Variants in DOCK4 observed in about 807,000 individuals in gnomAD.
DOCK4 encodes the protein dedicator of cytokinesis 4.
Under a neutral mutation model 268.1 loss-of-function variants are expected in DOCK4, and 97 were observed. The ratio of observed to expected loss-of-function variants is 0.36; its 90% CI spans 0.31 to 0.43. DOCK4 has a LOEUF of 0.43. Ranked by LOEUF, DOCK4 falls within the 20% of genes least tolerant of loss-of-function variation. DOCK4 has a pLI of 1.00. For missense variants in DOCK4, 2,145 were observed against 2,455.7 expected, an observed-to-expected ratio of 0.87 and a Z score of 2.67; for synonymous variants, 954 against 887.2, an observed-to-expected ratio of 1.08 and a Z score of -1.34.
chr7:112,048,191 A>T (rs1804993520), intron 1 of DOCK4, among the ~76,000 whole-genome samples: 1 of 152,084 alleles, frequency 6.6e-6, no homozygotes, highest in South Asian at 2.1e-4. Flanking sequence ...CATAAGAAAC[A>T]TGAAGAAAAC....
chr7:111,851,321 G>A (rs1405319167), intron 23 of DOCK4, among the ~76,000 whole-genome samples: 3 of 151,810 alleles, frequency 2.0e-5, no homozygotes, highest in Admixed American at 6.6e-5. Flanking sequence ...GCACGCGCCT[G>A]TAAGTCCCAG....
intron 1 of DOCK4, among the ~76,000 whole-genome samples, chr7:112,179,312 G>A (rs1818817851): frequency 6.6e-6 from 1 of 152,014 alleles, no homozygotes; most frequent in African/African-American, 2.4e-5. Context: ...CTTGTGCCTG[G>A]GATGTCGAGG....
At chr7:111,810,100 G>A (rs759715121) in intron 28 of DOCK4, among the ~76,000 whole-genome samples, 18 of 151,846 alleles carry the variant, frequency 1.2e-4, no homozygotes, top group African/African-American at 4.1e-4. Flanking sequence ...TCTGTTATAC[G>A]TAAATAGCTC....
rs1798881353 is a variant in DOCK4 at position 111,782,943 on chromosome 7, A to G, written c.3525-19T>C. On this transcript the variant is annotated intron_variant, in intron 34 of 52. Transcript: ENST00000428084. ...GCAGTCCCTAAAAACAAAAAGCAAT[A>G]GTCAGAACTCAGAACTTCCTTCCTA... 1.9e-6 allele frequency: 3 copies of G among 1,610,122 alleles called. No individual in the cohort carries two copies. Among genetic ancestry groups the G allele is most frequent in the Non-Finnish European group, 2.5e-6 (3 of 1,177,968 alleles).
At chr7:112,112,027 T>C (rs1811701632) in intron 1 of DOCK4, among the ~76,000 whole-genome samples, 1 of 152,134 alleles carries the variant, frequency 6.6e-6, no homozygotes, top group Non-Finnish European at 1.5e-5. Flanking sequence ...CAAATCTTTG[T>C]TTTTAGTTTC....
intron 11 of DOCK4, 64 bp downstream of exon 11, chr7:111,940,046 C>T (rs1023994877): frequency 2.6e-6 from 4 of 1,563,872 alleles, no homozygotes; most frequent in Non-Finnish European, 3.5e-6. Context: ...GTAGCATTCG[C>T]CCAAGTAGGA....
chr7:111,751,937 T>A, intron 42 of DOCK4, among the ~76,000 whole-genome samples: 1 of 151,958 alleles, frequency 6.6e-6, no homozygotes. Flanking sequence ...TTTTTAAATT[T>A]TCTGTTTAGA....
intron 1 of DOCK4, among the ~76,000 whole-genome samples, chr7:112,175,968 A>C (rs1299451317): frequency 6.6e-6 from 1 of 152,236 alleles, no homozygotes; most frequent in Non-Finnish European, 1.5e-5. Context: ...ATTATTTTTA[A>C]TGATCAACTG....
chr7:111,901,762 C>G lies in DOCK4; in HGVS notation c.1232G>C (p.Gly411Ala). The G allele has an allele frequency of 1.2e-6, 2 of 1,603,186 alleles. No homozygotes were observed. Among genetic ancestry groups the G allele is most frequent in the Non-Finnish European group, 1.7e-6 (2 of 1,170,934 alleles). The change falls in exon 14 of 53, where the codon GGA becomes GCA. Residue 411 changes from glycine (G) to alanine (A), a missense_variant. Physicochemically the swap from Gly to Ala is moderately conservative, Grantham distance 60 (BLOSUM62 0). Coordinates refer to ENST00000428084, the MANE Select transcript of DOCK4 (RefSeq NM_001363540.2). ...GCTCTTCCCTCCTTTCTCAAATTCT[C>G]CCCTTTCAATAGTGATATATAAATC... ...RNDLYITIERGEFEKGGKSVA... is the reference protein window; with the variant it reads ...RNDLYITIERAEFEKGGKSVA...
chr7:111,780,829 A>G (rs1280849741), intron 35 of DOCK4, among the ~76,000 whole-genome samples: 1 of 152,240 alleles, frequency 6.6e-6, no homozygotes, highest in East Asian at 1.9e-4. Context: ...GAGGCTAAAA[A>G]GATTAGCTTC....
chr7:112,158,423 C>A (rs937783893), intron 1 of DOCK4, among the ~76,000 whole-genome samples: 4 of 152,138 alleles, frequency 2.6e-5, no homozygotes, highest in Non-Finnish European at 5.9e-5. Context: ...AAAAGTTATA[C>A]CTTTCTTTGG....
At chr7:111,854,558 C>T (rs1483675334) in intron 23 of DOCK4, among the ~76,000 whole-genome samples, 1 of 152,026 alleles carries the variant, frequency 6.6e-6, no homozygotes, top group Non-Finnish European at 1.5e-5. Flanking sequence ...CATCTTGCTA[C>T]ATTAGTAGAG....
chr7:112,159,387 T>TCACC (rs1203041598), intron 1 of DOCK4, among the ~76,000 whole-genome samples: 1 of 152,096 alleles, frequency 6.6e-6, no homozygotes, highest in Admixed American at 6.6e-5. Flanking sequence ...ACCACCTTTA[T>TCACC]CACCACCACT....
chr7:112,127,804 G>T (rs1280006744), intron 1 of DOCK4, among the ~76,000 whole-genome samples: 1 of 152,198 alleles, frequency 6.6e-6, no homozygotes, highest in Non-Finnish European at 1.5e-5. Flanking sequence ...GCCAAGGTGG[G>T]TGGATCATGA....
intron 15 of DOCK4, among the ~76,000 whole-genome samples, chr7:111,896,419 T>C (rs973126820): frequency 5.9e-5 from 9 of 152,008 alleles, no homozygotes; most frequent in African/African-American, 2.2e-4. Flanking sequence ...GATAGGGAAA[T>C]TGAGGTCATA....
intron 6 of DOCK4, among the ~76,000 whole-genome samples, chr7:111,985,585 C>T (rs1482235520): frequency 6.6e-6 from 1 of 152,124 alleles, no homozygotes; most frequent in Non-Finnish European, 1.5e-5. Context: ...CCCCAGCCAC[C>T]CTGAGGGCTA....
At chr7:112,048,689 G>A (rs1415315468) in intron 1 of DOCK4, among the ~76,000 whole-genome samples, 1 of 146,986 alleles carries the variant, frequency 6.8e-6, no homozygotes, top group Admixed American at 6.8e-5. Context: ...ATTTCTGCAA[G>A]AAAGTAGAGA....
chr7:111,740,124 C>G, intron 47 of DOCK4: 1 of 443,850 alleles, frequency 2.3e-6, no homozygotes. Flanking sequence ...CTTTGAGACA[C>G]AGTCTCGCTT....
At chr7:112,040,836 A>G (rs563638684) in intron 1 of DOCK4, among the ~76,000 whole-genome samples, 7 of 152,380 alleles carry the variant, frequency 4.6e-5, no homozygotes, top group Non-Finnish European at 5.9e-5. Flanking sequence ...ATGTAATTAC[A>G]TTGTGCATTA....
Sources: allele counts gnomAD v4.1 joint callset (sites outside exome capture counted in the v4.1 genomes callset), GRCh38; gene constraint gnomAD v4.1.1; transcripts MANE v1.5; gene names NCBI Gene and HGNC (gene_info 2026-07-23, HGNC 2026-07-21).